MED23: variants seen among roughly 807,000 people sequenced by gnomAD.
MED23 encodes the protein mediator complex subunit 23.
Under a neutral mutation model 163.9 loss-of-function variants are expected in MED23, and 105 were observed. That is an observed-to-expected ratio of 0.64 (90% CI 0.55 to 0.75). The LOEUF is 0.75. MED23 is among the 30% of genes least tolerant of loss of function. The pLI, the probability that MED23 is intolerant of heterozygous loss-of-function variation, is 0.00. For synonymous variants in MED23, 561 were observed against 565.6 expected (o/e 0.99, Z 0.12); for missense variants, 1,054 against 1,649.0 (o/e 0.64, Z 6.25).
At chr6:131,577,015 G>C (rs1773646987) in intron 30 of MED23, among the ~76,000 whole-genome samples, 1 of 152,102 alleles carries the variant, frequency 6.6e-6, no homozygotes, top group Non-Finnish European at 1.5e-5. Context: ...TGGATGGTAG[G>C]GGAGCCGGGG....
intron 30 of MED23, chr6:131,578,999 C>G: frequency 7.9e-7 from 1 of 1,266,250 alleles, no homozygotes. Context: ...TCAGGTTTTT[C>G]CTTTGCTTAT....
At chr6:131,620,808 T>A (rs573014603) in intron 6 of MED23, 79 bp from the exon 7 acceptor site, 85 of 820,888 alleles carry the variant, frequency 1.0e-4, no homozygotes, top group African/African-American at 7.9e-4. Flanking sequence ...ATCATTATTT[T>A]TTTTTTTTTT....
downstream of MED23, chr6:131,583,797 A>G (rs2114551265): frequency 8.1e-6 from 13 of 1,614,144 alleles, no homozygotes; most frequent in Non-Finnish European, 1.1e-5. Context: ...GGAAGACACC[A>G]GAAGAAGTAA....
At chr6:131,574,239 G>A (rs886722684) in exon 31 of MED23, 1 of 1,608,486 alleles carries the variant, frequency 6.2e-7, no homozygotes, top group Non-Finnish European at 8.5e-7. Context: ...CTCAGGATCT[G>A]GGCAGCGTTT....
intron 13 of MED23, 142 bp downstream of exon 13, chr6:131,606,337 A>G: frequency 1.3e-6 from 1 of 762,960 alleles, no homozygotes; most frequent in Non-Finnish European, 2.2e-6. Context: ...TCCTGCTATG[A>G]CATATACATC....
chr6:131,627,329 G>GA (rs60163644), intron 3 of MED23, 67 bp downstream of exon 3: 64,520 of 859,458 alleles, frequency 0.075, no homozygotes, highest in Non-Finnish European at 0.087. Flanking sequence ...AATGTTAAAA[G>GA]AAAAAAAAAA....
intron 30 of MED23, among the ~76,000 whole-genome samples, chr6:131,580,509 A>G (rs1773863949): frequency 6.6e-6 from 1 of 152,220 alleles, no homozygotes; most frequent in Non-Finnish European, 1.5e-5. Flanking sequence ...TGCAGTTTTT[A>G]AATGGCAAAA....
chr6:131,579,948 T>G (rs1207662796), intron 30 of MED23, among the ~76,000 whole-genome samples: 4 of 152,156 alleles, frequency 2.6e-5, no homozygotes, highest in Admixed American at 6.5e-5. Flanking sequence ...TGCATAAGCA[T>G]CATAAGCATC....
At chr6:131,584,363 A>AATACAC (rs371339129), downstream of MED23, 508 of 158,402 alleles carry the variant, frequency 3.2e-3, 3 homozygotes, top group African/African-American at 0.012. Context: ...AAATACATGC[A>AATACAC]ACACACACAC....
downstream of MED23, chr6:131,583,605 C>A: frequency 6.6e-7 from 1 of 1,517,838 alleles, no homozygotes; most frequent in Non-Finnish European, 9.1e-7. Context: ...GTCCATCAGT[C>A]ACATGATGCA....
chr6:131,594,418 C>T, intron 22 of MED23, 83 bp from the exon 23 acceptor site: 1 of 1,029,744 alleles, frequency 9.7e-7, no homozygotes, highest in South Asian at 1.3e-5. Context: ...TTCCAGATAA[C>T]TGAAAAACAG....
intron 18 of MED23, among the ~76,000 whole-genome samples, chr6:131,599,503 T>A (rs1278379231): frequency 1.3e-5 from 2 of 152,188 alleles, no homozygotes; most frequent in Non-Finnish European, 2.9e-5. Flanking sequence ...CTTCTCCCCA[T>A]TTCAGTTCTA....
chr6:131,593,895 A>G (rs899427833), intron 23 of MED23, among the ~76,000 whole-genome samples: 1 of 152,184 alleles, frequency 6.6e-6, no homozygotes, highest in African/African-American at 2.4e-5. Context: ...GTTCTAAAAT[A>G]AAAATTTTAA....
intron 9 of MED23, among the ~76,000 whole-genome samples, chr6:131,616,851 C>T (rs898378068): frequency 6.6e-6 from 1 of 151,994 alleles, no homozygotes; most frequent in Admixed American, 6.6e-5. Context: ...AAAAATAATG[C>T]TAGAAAGTGA....
rs1481057414 is a variant in MED23, at chr6:131,604,299, G to C, written c.1635C>G (p.Thr545=). The C allele has an allele frequency of 3.1e-6, 5 of 1,613,730 alleles. No homozygotes were observed. Among genetic ancestry groups the C allele is most frequent in the Non-Finnish European group, 4.2e-6 (5 of 1,179,772 alleles). ...TTGCATGAGCAAGTTTTATCACCCT[G>C]GTTGCAATGCTGTGAATAAGGCTGA... ...AKMSLIHSIA[T]RVIKLAHAKS... The change falls in exon 15 of 29, where the codon ACC becomes ACG. Residue 545 remains threonine (T), a synonymous_variant. Transcript: ENST00000368068.
chr6:131,583,101 C>T (rs1482393038), downstream of MED23: 1 of 1,613,678 alleles, frequency 6.2e-7, no homozygotes, highest in Non-Finnish European at 8.5e-7. Context: ...TTTTCAATGA[C>T]TGAAGTGGAC....
chr6:131,603,446 T>G (rs575648710), intron 15 of MED23, among the ~76,000 whole-genome samples: 20 of 152,314 alleles, frequency 1.3e-4, no homozygotes, highest in Admixed American at 1.2e-3. Context: ...CATGTTTATC[T>G]GGAAAAATAA....
At chr6:131,627,154 A>T in intron 3 of MED23, 1 of 462,434 alleles carries the variant, frequency 2.2e-6, no homozygotes, top group Non-Finnish European at 3.8e-6. Context: ...AACATAGGGG[A>T]GGTTTTTTTT....
chr6:131,598,110 AAAAC>A lies in MED23; in HGVS notation c.2607+173_2607+176del. 5.6e-6 allele frequency: 4 copies of A among 716,536 alleles called. No individual in the cohort carries two copies. Among genetic ancestry groups the A allele is most frequent in the Non-Finnish European group, 7.0e-6 (3 of 427,140 alleles). 44.4% of individuals were successfully genotyped at this position (716,536 alleles called of 1,614,324 possible). A position where few individuals can be genotyped will look rare whatever the true frequency, so the allele number is the denominator to read the frequency against. On this transcript the variant is annotated intron_variant, in intron 20 of 28. Coordinates refer to ENST00000368068, the MANE Select transcript of MED23 (RefSeq NM_004830.4). The surrounding 1 kb of genome is among the most constrained non-coding windows in gnomAD (Gnocchi z 4.7). ...GTCTCAAAAAACAAACAAAAAAACA[AAAAC>A]AAACAAAAACAGAAATTGGAAAATT... is the stretch of plus-strand genomic sequence containing the variant.
Sources: allele counts gnomAD v4.1 joint callset (sites outside exome capture counted in the v4.1 genomes callset), GRCh38; gene constraint gnomAD v4.1.1; non-coding constraint Gnocchi (gnomAD v3.1); transcripts MANE v1.5; gene names NCBI Gene and HGNC (gene_info 2026-07-23, HGNC 2026-07-21).